The following RMDN1 variants were observed in gnomAD, a reference collection of about 807,000 sequenced individuals.
RMDN1 encodes the protein regulator of microtubule dynamics 1, also known as regulator of microtubule dynamics protein 1.
In RMDN1, 48 loss-of-function variants were observed where a neutral mutation model predicts 48.9. The ratio of observed to expected loss-of-function variants is 0.98; its 90% confidence interval spans 0.78 to 1.25. The LOEUF is 1.25. Among genes scored for constraint, RMDN1 ranks in the 50% most tolerant of loss-of-function variants. RMDN1 has a pLI of 0.00. For synonymous variants in RMDN1, 148 were observed against 132.6 expected (o/e 1.12, Z -0.80); for missense variants, 418 against 373.4 (o/e 1.12, Z -0.98).
intron 2 of RMDN1, chr8:86,504,491 A>G: frequency 6.5e-7 from 1 of 1,541,262 alleles, no homozygotes; most frequent in African/African-American, 1.4e-5. Context: ...GGTGTTCAAG[A>G]GCCCATCTAT....
In RMDN1 at chr8:86,474,961, T is replaced by A. The variant is rs1340787632; in HGVS notation, c.761-8A>T. ...TGTAGAAGTTTGGATCCACTGCACA[T>A]AAGAAAGAAAAAATGATCTCAGAGG... is the stretch of plus-strand genomic sequence containing the variant. On this transcript the variant is annotated splice_region_variant and splice_polypyrimidine_tract_variant and intron_variant, in intron 8 of 9. Coordinates refer to ENST00000406452, the MANE Select transcript of RMDN1 (RefSeq NM_016033.3). The A allele has an allele frequency of 3.2e-6, 5 of 1,581,802 alleles. No homozygotes were observed. The highest frequency in any genetic ancestry group is 4.0e-5 in the Admixed American group (2 of 50,222).
rs1254850993 is a variant in RMDN1, at chr8:86,479,004, A to G, written c.648T>C (p.Tyr216=). The G allele has an allele frequency of 1.9e-6, 3 of 1,612,908 alleles. No individual in the cohort carries two copies. Among genetic ancestry groups the G allele is most frequent in the Non-Finnish European group, 1.7e-6 (2 of 1,178,992 alleles). ...TSIHLMGIWC[Y]TFAEMPWYQR... is the part of the protein sequence containing the mutation. Reference sequence around the variant, plus strand: ...GATACCAAGGCATTTCGGCAAATGTATAGCACCTACAGGGAAATAAAACAA... The same window carrying G: ...GATACCAAGGCATTTCGGCAAATGTGTAGCACCTACAGGGAAATAAAACAA... Residue 216 remains tyrosine, a synonymous_variant, in exon 7 of 10, where the codon TAT becomes TAC. Coordinates refer to ENST00000406452, the MANE Select transcript of RMDN1 (RefSeq NM_016033.3).
At chr8:86,489,481 G>C (rs4961196) in intron 2 of RMDN1, among the ~76,000 whole-genome samples, 76,747 of 151,986 alleles carry the variant, frequency 0.5, 19,833 homozygotes, top group Admixed American at 0.61. Flanking sequence ...CCTAAGCCAA[G>C]ATTCCAATGT....
intron 1 of RMDN1, among the ~76,000 whole-genome samples, chr8:86,507,820 A>G (rs1819633858): frequency 6.6e-6 from 1 of 152,220 alleles, no homozygotes; most frequent in African/African-American, 2.4e-5. Context: ...TCAGTCCCAT[A>G]ATAATTCTGA....
intron 2 of RMDN1, among the ~76,000 whole-genome samples, chr8:86,492,627 TG>T (rs1816693525): frequency 6.6e-6 from 1 of 150,846 alleles, no homozygotes; most frequent in African/African-American, 2.4e-5. Context: ...CACTCTAGCC[TG>T]GGGTACAGAG....
rs541781683 is a variant in RMDN1 at position 86,504,706 on chromosome 8, T to C, written c.247+2289A>G. On this transcript the variant is annotated intron_variant, in intron 2 of 9. Coordinates refer to ENST00000406452, the MANE Select transcript of RMDN1 (RefSeq NM_016033.3). ...GGGGCTATCTTGGTCTTTGTGGCCTTTGAAATTGGACCAGGTCCCATTTCC... is the reference window on the plus strand; with the variant it reads ...GGGGCTATCTTGGTCTTTGTGGCCTCTGAAATTGGACCAGGTCCCATTTCC... 8 of 919,984 alleles carry C rather than the reference T, an allele frequency of 8.7e-6. No individual in the cohort carries two copies. The South Asian group carries it at 9.1e-5, about 10-fold the overall frequency. 57.0% of individuals were successfully genotyped at this position (919,984 alleles called of 1,614,324 possible).
At chr8:86,507,644 T>C (rs1819599287) in intron 1 of RMDN1, among the ~76,000 whole-genome samples, 1 of 152,268 alleles carries the variant, frequency 6.6e-6, no homozygotes. Context: ...AGGCCTAAAA[T>C]GGGACTTCAA....
upstream of RMDN1, among the ~76,000 whole-genome samples, chr8:86,510,871 C>T (rs561777002): frequency 9.2e-5 from 14 of 152,242 alleles, no homozygotes; most frequent in African/African-American, 3.4e-4. Flanking sequence ...ACCTGTAATC[C>T]CAATATTTTG....
chr8:86,502,867 A>T (rs186693529), intron 2 of RMDN1, among the ~76,000 whole-genome samples: 172 of 152,206 alleles, frequency 1.1e-3, no homozygotes, highest in African/African-American at 3.9e-3. Flanking sequence ...TTCAAACTCA[A>T]CCCTTTAAAA....
At chr8:86,490,903 C>A (rs7817738) in intron 2 of RMDN1, among the ~76,000 whole-genome samples, 76,134 of 151,518 alleles carry the variant, frequency 0.5, 19,641 homozygotes, top group Admixed American at 0.61. Flanking sequence ...CACGCCTATA[C>A]TCCCAACACT....
upstream of RMDN1, among the ~76,000 whole-genome samples, chr8:86,510,714 C>T (rs1820012229): frequency 6.6e-6 from 1 of 152,188 alleles, no homozygotes; most frequent in East Asian, 1.9e-4. Context: ...CTGTTTTAAG[C>T]CACTAAATTT....
intron 5 of RMDN1, 179 bp downstream of exon 5, chr8:86,484,693 G>A (rs113746601): frequency 3.1e-5 from 13 of 423,568 alleles, no homozygotes; most frequent in Middle Eastern, 6.8e-4. Context: ...ACTCTAGCCC[G>A]GATGACAAGA....
At position 86,480,317 on chromosome 8, in the gene RMDN1, T is replaced by C; in HGVS notation, c.601A>G (p.Asn201Asp). ...TGAATTGAAGTAGCATCTTTAGGGT[T>C]CAGTTCAATTGCTTTCTAACAAGAA... Reference protein sequence around the residue: ...KEHFEKAIELNPKDATSIHLM... With the variant: ...KEHFEKAIELDPKDATSIHLM... The change falls in exon 6 of 10, where the codon AAC becomes GAC. Residue 201 changes from asparagine (N) to aspartate (D), a missense_variant. Asn to Asp is a conservative substitution (Grantham distance 23). Coordinates refer to ENST00000406452, the MANE Select transcript of RMDN1 (RefSeq NM_016033.3). 6.5e-7 allele frequency: 1 copy of C among 1,537,420 alleles called. No homozygotes were observed. Among genetic ancestry groups the C allele is most frequent in the Non-Finnish European group, 8.9e-7 (1 of 1,129,288 alleles).
At chr8:86,501,867 T>G (rs557426474) in intron 2 of RMDN1, among the ~76,000 whole-genome samples, 10 of 152,010 alleles carry the variant, frequency 6.6e-5, no homozygotes, top group Admixed American at 5.9e-4. Flanking sequence ...AATAAATCAT[T>G]CAGCCAGTAA....
intron 5 of RMDN1, chr8:86,482,133 G>A (rs1814595468): frequency 9.5e-6 from 5 of 528,326 alleles, no homozygotes; most frequent in Non-Finnish European, 1.7e-5. Flanking sequence ...CAGGCACGGT[G>A]GCTTATGCCT....
At chr8:86,482,864 GA>G in intron 5 of RMDN1, 1 of 1,156,516 alleles carries the variant, frequency 8.6e-7, no homozygotes, top group Non-Finnish European at 1.3e-6. Context: ...TGAACATACA[GA>G]AGGCCCTGGG....
At chr8:86,513,384 A>G (rs189726246), upstream of RMDN1, among the ~76,000 whole-genome samples, 1,438 of 152,334 alleles carry the variant, frequency 9.4e-3, 9 homozygotes, top group Non-Finnish European at 0.014. Context: ...TCAAAAAAAT[A>G]AAAATAAAAA....
At chr8:86,505,075 C>T in intron 2 of RMDN1, 3 of 1,401,566 alleles carry the variant, frequency 2.1e-6, no homozygotes, top group South Asian at 1.3e-5. Flanking sequence ...TAAGTCATGC[C>T]TCCTTCCACC....
At chr8:86,510,323 A>G (rs1819980168), upstream of RMDN1, among the ~76,000 whole-genome samples, 1 of 152,250 alleles carries the variant, frequency 6.6e-6, no homozygotes, top group African/African-American at 2.4e-5. Flanking sequence ...ATTATTTAAT[A>G]TACAAATTTT....
Sources: allele counts gnomAD v4.1 joint callset (sites outside exome capture counted in the v4.1 genomes callset), GRCh38; gene constraint gnomAD v4.1.1; transcripts MANE v1.5; gene names NCBI Gene and HGNC (gene_info 2026-07-23, HGNC 2026-07-21).